The following CHAT variants were observed in gnomAD, a reference collection of about 807,000 sequenced individuals.
CHAT encodes choline O-acetyltransferase, also known as acetyl CoA:choline O-acetyltransferase.
A neutral mutation model predicts 76.9 loss-of-function variants in CHAT; 61 were observed. The ratio of observed to expected loss-of-function variants is 0.79; its 90% CI spans 0.65 to 0.98. CHAT has a LOEUF of 0.98. Ranked by LOEUF, CHAT falls within the 50% of genes least tolerant of loss-of-function variation. The pLI, the probability that CHAT is intolerant of heterozygous loss-of-function variation, is 0.00. For synonymous variants in CHAT, 407 were observed against 397.4 expected, an observed-to-expected ratio of 1.02 and a Z score of -0.29; for missense variants, 946 against 986.9, an observed-to-expected ratio of 0.96 and a Z score of 0.56.
rs576265090 is a variant in CHAT, at chr10:49,644,214, C to T, written c.1112-2291C>T. Among the ~76,000 whole-genome samples, 203 of 151,966 alleles carry T rather than the reference C, an allele frequency of 1.3e-3. 2 individuals are homozygous for T. The highest frequency in any genetic ancestry group is 2.4e-3 in the Non-Finnish European group (160 of 67,990). The stretch of plus-strand genomic sequence containing the variant: ...AGGGCCTTGTCCTGGGCACAGCCTG[C>T]GTGATGATGAGGAGATGGGATGTCC... On this transcript the variant is annotated intron_variant, in intron 7 of 14. Transcript: ENST00000337653.
At chr10:49,625,038 G>A (rs571835921) in intron 5 of CHAT, among the ~76,000 whole-genome samples, 11 of 152,314 alleles carry the variant, frequency 7.2e-5, no homozygotes, top group South Asian at 2.1e-4. Flanking sequence ...CACAAGGCAT[G>A]CTGAGACCAG....
At chr10:49,652,647 C>CT (rs141824850) in intron 11 of CHAT, among the ~76,000 whole-genome samples, 6,505 of 152,214 alleles carry the variant, frequency 0.043, 423 homozygotes, top group African/African-American at 0.14. Context: ...GAAGAGTGAA[C>CT]TTTGAAATAT....
chr10:49,634,769 C>T lies in CHAT; in HGVS notation c.1111+6984C>T, dbSNP rs185068906. ...CTTTCTCCCCCACCATCCTTTCCCC[C>T]AGTTCTGGAAGCCTGACAGCTCTTT... On this transcript the variant is annotated intron_variant, in intron 7 of 14. Transcript: ENST00000337653. Among the ~76,000 whole-genome samples, 409 of 152,194 alleles carry T rather than the reference C, an allele frequency of 2.7e-3. 2 individuals are homozygous for T. The highest frequency in any genetic ancestry group is 9.5e-3 in the African/African-American group (394 of 41,512).
At chr10:49,615,762 T>G in intron 1 of CHAT, 1 of 515,012 alleles carries the variant, frequency 1.9e-6, no homozygotes, top group Non-Finnish European at 3.4e-6. Flanking sequence ...TTAATCTGCC[T>G]CTCCCCAGAC....
chr10:49,630,309 T>C (rs910310433), intron 7 of CHAT, among the ~76,000 whole-genome samples: 4 of 145,860 alleles, frequency 2.7e-5, no homozygotes, highest in Non-Finnish European at 6.1e-5. Flanking sequence ...GCCCATGAAG[T>C]AAAGGAAAGC....
At chr10:49,650,123 C>T (rs1399796595) in intron 10 of CHAT, among the ~76,000 whole-genome samples, 1 of 152,186 alleles carries the variant, frequency 6.6e-6, no homozygotes, top group African/African-American at 2.4e-5. Flanking sequence ...GTGGTGGCAG[C>T]CACATCCTGG....
chr10:49,649,225 T>C (rs564140972), intron 9 of CHAT, among the ~76,000 whole-genome samples: 15 of 152,336 alleles, frequency 9.8e-5, no homozygotes, highest in Admixed American at 5.9e-4. Flanking sequence ...CCAAGTCTTC[T>C]GTAAGGGTGT....
chr10:49,625,637 T>G lies in CHAT; in HGVS notation c.917T>G (p.Val306Gly). Residue 306 changes from valine to glycine, a missense_variant, in exon 6 of 15, where the codon GTA becomes GGA. Around this residue, in one of 3 missense-constraint regions of CHAT, gnomAD observed 548 missense variants for 516.2 expected, o/e 1.06. Coordinates refer to ENST00000337653, the MANE Select transcript of CHAT (RefSeq NM_020549.5). ...ATGCCGGAGCCTGAGCACGTCATCG[T>G]AGCCTGCTGCAATCAGGTAAGCAAC... Reference protein sequence around the residue: ...SIMPEPEHVIVACCNQFFVLD... With the variant: ...SIMPEPEHVIGACCNQFFVLD... 6.4e-7 allele frequency: 1 copy of G among 1,574,680 alleles called. No individual in the cohort carries two copies. Among genetic ancestry groups the G allele is most frequent in the Non-Finnish European group, 8.6e-7 (1 of 1,158,958 alleles).
At chr10:49,638,727 A>G (rs1839376024) in intron 7 of CHAT, among the ~76,000 whole-genome samples, 2 of 152,216 alleles carry the variant, frequency 1.3e-5, no homozygotes, top group African/African-American at 4.8e-5. Flanking sequence ...TCCTTTGTTT[A>G]TAATACACTT....
At chr10:49,647,104 A>G (rs116974252) in intron 8 of CHAT, 2,647 of 216,632 alleles carry the variant, frequency 0.012, 49 homozygotes, top group African/African-American at 0.041. Context: ...CAGAGCTGTC[A>G]GCTTTTTGGA....
rs1156286549 is a variant in CHAT, at chr10:49,665,893, C to T, written c.*847C>T. Among the ~76,000 whole-genome samples, 1 of 152,174 alleles carries T rather than the reference C, an allele frequency of 6.6e-6. No individual in the cohort carries two copies. Among genetic ancestry groups the T allele is most frequent in the African/African-American group, 2.4e-5 (1 of 41,440 alleles). ...ACCTGGCCCCTTCCCGGGGTCCTGC[C>T]ATTTGCATTTTTTCTGCATCTTTTC... On this transcript the variant is annotated 3_prime_UTR_variant, in exon 15 of 15. Transcript: ENST00000337653.
At chr10:49,639,267 A>T (rs1839397145) in intron 7 of CHAT, among the ~76,000 whole-genome samples, 1 of 152,180 alleles carries the variant, frequency 6.6e-6, no homozygotes, top group Middle Eastern at 3.4e-3. Context: ...AACAAACAAA[A>T]AAACACTTTA....
intron 13 of CHAT, among the ~76,000 whole-genome samples, chr10:49,659,201 G>A (rs1260787005): frequency 6.6e-6 from 1 of 152,178 alleles, no homozygotes; most frequent in African/African-American, 2.4e-5. Context: ...AATTCTGAGA[G>A]AAAGTGACCT....
chr10:49,647,783 CCTTCCTTCCTTCCTTCCT>C, intron 8 of CHAT: 1 of 88,410 alleles, frequency 1.1e-5, no homozygotes, highest in African/African-American at 3.1e-5. Flanking sequence ...TTCCTTCCTT[CCTTCCTTCCTTCCTTCCT>C]TCCTTCCTTT....
chr10:49,627,565 G>C lies in CHAT; in HGVS notation c.934-43G>C, dbSNP rs56722599. 1.9e-6 allele frequency: 3 copies of C among 1,606,146 alleles called. No homozygotes were observed. The East Asian group carries it at 6.7e-5, about 36-fold the overall frequency. ...AGGCTGAGTGAAGGCCTGGTGCCAC[G>C]GGCCACCCAACAAGTGACATGTTTG... On this transcript the variant is annotated intron_variant, in intron 6 of 14. Transcript: ENST00000337653.
Position 49,614,224 on chromosome 10 carries a change from G to C in CHAT, c.35G>C (p.Gly12Ala). 1 of 1,531,760 alleles carries C rather than the reference G, an allele frequency of 6.5e-7. No individual in the cohort carries two copies. Among genetic ancestry groups the C allele is most frequent in the Non-Finnish European group, 8.8e-7 (1 of 1,133,204 alleles). 94.9% of individuals were successfully genotyped at this position (1,531,760 alleles called of 1,614,324 possible). Residue 12 changes from glycine to alanine, a missense_variant, in exon 1 of 15, where the codon GGG becomes GCG. This residue lies in a region of CHAT where 548 missense variants were observed against 516.2 expected (regional missense o/e 1.06). Coordinates refer to ENST00000337653, the MANE Select transcript of CHAT (RefSeq NM_020549.5). ...GLRTAKKRGLGGGGKWKREEG... is the reference protein window; with the variant it reads ...GLRTAKKRGLAGGGKWKREEG... ...AGGACAGCGAAGAAGAGGGGGCTTG[G>C]GGGAGGGGGGAAATGGAAGAGAGAG...
rs1840333228 is a variant in CHAT at position 49,666,015 on chromosome 10, GA to G, written c.*973del. 1.3e-5 allele frequency among the ~76,000 whole-genome samples: 2 copies of G among 152,182 alleles called. No homozygotes were observed. Among genetic ancestry groups the G allele is most frequent in the Non-Finnish European group, 2.9e-5 (2 of 68,036 alleles). Reference sequence around the variant, plus strand: ...TTTGTTTTAAGACAGAGATTTTTAAGAAAACCACCCTGACATTAATTTCAGA... The same window carrying G: ...TTTGTTTTAAGACAGAGATTTTTAAGAAACCACCCTGACATTAATTTCAGA... On this transcript the variant is annotated 3_prime_UTR_variant, in exon 15 of 15. Transcript: ENST00000337653.
intron 11 of CHAT, 102 bp downstream of exon 11, chr10:49,652,108 T>C: frequency 6.6e-7 from 1 of 1,516,964 alleles, no homozygotes; most frequent in Non-Finnish European, 9.1e-7. Flanking sequence ...CAGCCTTCTG[T>C]GGGCCTGGAA....
chr10:49,656,107 G>A (rs1840025304), intron 13 of CHAT, among the ~76,000 whole-genome samples: 1 of 152,124 alleles, frequency 6.6e-6, no homozygotes, highest in Non-Finnish European at 1.5e-5. Flanking sequence ...TCTATGAGAA[G>A]GAGCTGAACA....
Sources: gnomAD v4.1 joint callset for allele counts (sites outside exome capture counted in the v4.1 genomes callset) on GRCh38, gnomAD v4.1.1 for gene constraint, gnomAD v4.1.1 regional missense constraint, MANE v1.5 for transcripts, NCBI Gene and HGNC (gene_info 2026-07-23, HGNC 2026-07-21) for gene names.